THSD4: variants seen among roughly 807,000 people sequenced by gnomAD.
The protein encoded by THSD4 is thrombospondin type-1 domain-containing protein 4.
THSD4 carries 69 observed loss-of-function variants against 119.0 expected under a neutral mutation model. The ratio of observed to expected loss-of-function variants is 0.58; its 90% CI spans 0.48 to 0.71. The LOEUF (loss-of-function observed/expected upper bound fraction) is 0.71, where lower values mean the gene tolerates loss of function less well. Among genes scored for constraint, THSD4 ranks in the 30% least tolerant of loss-of-function variants. THSD4 has a pLI of 0.00. For missense variants in THSD4, 1,393 were observed against 1,391.1 expected (o/e 1.00, Z -0.02); for synonymous variants, 524 against 540.4 (o/e 0.97, Z 0.42).
At chr15:71,523,403 T>C (rs900783700) in intron 7 of THSD4, among the ~76,000 whole-genome samples, 43 of 152,344 alleles carry the variant, frequency 2.8e-4, no homozygotes, top group Admixed American at 2.5e-3. Context: ...TAAGGACACA[T>C]GCCATTGGAT....
intron 8 of THSD4, among the ~76,000 whole-genome samples, chr15:71,668,352 A>G (rs564427159): frequency 1.7e-4 from 26 of 152,316 alleles, no homozygotes; most frequent in African/African-American, 5.8e-4. Context: ...GATGTTCACT[A>G]GCAGAGCAGA....
chr15:71,336,362 A>G (rs2045489829), intron 6 of THSD4, among the ~76,000 whole-genome samples: 1 of 152,260 alleles, frequency 6.6e-6, no homozygotes, highest in Non-Finnish European at 1.5e-5. Flanking sequence ...ATTTAAACAG[A>G]AGAGATTCAA....
At chr15:71,645,006 A>G (rs2050939844) in intron 7 of THSD4, among the ~76,000 whole-genome samples, 2 of 152,174 alleles carry the variant, frequency 1.3e-5, no homozygotes, top group African/African-American at 4.8e-5. Flanking sequence ...CCTTCAGCTT[A>G]AAGGTAATAG....
chr15:71,374,997 C>T (rs780673034), intron 6 of THSD4, among the ~76,000 whole-genome samples: 2 of 152,182 alleles, frequency 1.3e-5, no homozygotes, highest in Admixed American at 6.5e-5. Context: ...CTCACAGCCA[C>T]AGAAATCCCC....
At chr15:71,428,068 C>T (rs1172435141) in intron 7 of THSD4, among the ~76,000 whole-genome samples, 3 of 152,110 alleles carry the variant, frequency 2.0e-5, no homozygotes, top group Non-Finnish European at 4.4e-5. Context: ...ACACTTGTAA[C>T]TGAGAAATGA....
At chr15:71,711,574 ATCTAGTCATGAC>A (rs889609006) in intron 8 of THSD4, among the ~76,000 whole-genome samples, 1 of 152,184 alleles carries the variant, frequency 6.6e-6, no homozygotes, top group Non-Finnish European at 1.5e-5. Context: ...ATAGAGCGAA[ATCTAGTCATGAC>A]TCGTTGTAAA....
At chr15:71,312,033 C>T (rs1000055336) in intron 6 of THSD4, among the ~76,000 whole-genome samples, 7 of 152,202 alleles carry the variant, frequency 4.6e-5, no homozygotes, top group South Asian at 2.1e-4. Context: ...GCAGACCCTC[C>T]GTGGCCTTCC....
At chr15:71,376,736 A>G (rs1381116009) in intron 6 of THSD4, among the ~76,000 whole-genome samples, 3 of 152,208 alleles carry the variant, frequency 2.0e-5, no homozygotes, top group Admixed American at 2.0e-4. Flanking sequence ...AAGCAAAGGC[A>G]TGAGGTCAGA....
chr15:71,378,247 A>C (rs16955513), intron 6 of THSD4, among the ~76,000 whole-genome samples: 7,582 of 152,274 alleles, frequency 0.05, 219 homozygotes, highest in African/African-American at 0.08. Flanking sequence ...TCAATACATC[A>C]TACAGTTTTC....
intron 7 of THSD4, among the ~76,000 whole-genome samples, chr15:71,504,107 C>T (rs1447549983): frequency 6.6e-6 from 1 of 152,168 alleles, no homozygotes; most frequent in Non-Finnish European, 1.5e-5. Flanking sequence ...AACAGCACAG[C>T]AAATCATACT....
rs761116811 is a variant in THSD4 at position 71,728,647 on chromosome 15, C to T, written c.1456C>T (p.Arg486Cys). ...EGGGTMFTYK[R>C]PNEISSTAGE... Reference sequence around the variant, plus strand: ...CGGAGGGACCATGTTCACCTACAAGCGTCCAAATGAGATTTCGAGCACTGC... The same window carrying T: ...CGGAGGGACCATGTTCACCTACAAGTGTCCAAATGAGATTTCGAGCACTGC... Residue 486 changes from arginine (R) to cysteine (C), a missense_variant, in exon 9 of 18, where the codon CGT becomes TGT. Coordinates refer to ENST00000261862, the MANE Select transcript of THSD4 (RefSeq NM_024817.3). The T allele has an allele frequency of 1.2e-6, 2 of 1,614,192 alleles. No homozygotes were observed. The highest frequency in any genetic ancestry group is 1.1e-5 in the South Asian group (1 of 91,080).
At chr15:71,533,917 G>A (rs4777405) in intron 7 of THSD4, among the ~76,000 whole-genome samples, 35,379 of 152,028 alleles carry the variant, frequency 0.23, 4,220 homozygotes, top group Admixed American at 0.29. Context: ...ATCATTAGGG[G>A]TTATTGGAAA....
chr15:71,738,835 G>A (rs1227101423), intron 11 of THSD4, among the ~76,000 whole-genome samples: 1 of 151,994 alleles, frequency 6.6e-6, no homozygotes, highest in Admixed American at 6.6e-5. Context: ...CCAATACTGC[G>A]TGGCCCAAGA....
At chr15:71,368,101 C>G (rs961264086) in intron 6 of THSD4, among the ~76,000 whole-genome samples, 1 of 152,170 alleles carries the variant, frequency 6.6e-6, no homozygotes, top group Non-Finnish European at 1.5e-5. Flanking sequence ...AGTGTCTGTT[C>G]ATATCCTTCG....
intron 8 of THSD4, among the ~76,000 whole-genome samples, chr15:71,670,639 C>G (rs1338268796): frequency 2.0e-5 from 3 of 151,732 alleles, no homozygotes; most frequent in African/African-American, 7.3e-5. Flanking sequence ...TAATGCTATC[C>G]CTCCCCCATC....
chr15:71,432,524 CTTTT>C (rs59086141), intron 7 of THSD4, among the ~76,000 whole-genome samples: 3 of 129,970 alleles, frequency 2.3e-5, no homozygotes, highest in Non-Finnish European at 5.1e-5. Context: ...TCCCTCCCTT[CTTTT>C]TTTTTTTTTT....
intron 8 of THSD4, among the ~76,000 whole-genome samples, chr15:71,704,333 T>G (rs2052353416): frequency 6.6e-6 from 1 of 152,206 alleles, no homozygotes. Context: ...AATTCCCACA[T>G]GTCGTGGGAG....
chr15:71,563,962 T>G lies in THSD4; in HGVS notation c.1153-96568T>G, dbSNP rs79845990. On this transcript the variant is annotated intron_variant, in intron 7 of 17. Transcript: ENST00000261862. ...GGGTGGGCTTTTCCATCAGTTGTCTTGGTTGATGTGCCAGTCAGCCAATTC... is the reference window on the plus strand; with the variant it reads ...GGGTGGGCTTTTCCATCAGTTGTCTGGGTTGATGTGCCAGTCAGCCAATTC... Among the ~76,000 whole-genome samples, 4 of 152,332 alleles carry G rather than the reference T, an allele frequency of 2.6e-5. No homozygotes were observed. The East Asian group carries it at 5.8e-4, about 22-fold the overall frequency.
Position 71,418,822 on chromosome 15 carries a change from CT to C in THSD4, c.1152+7004del, listed in dbSNP as rs1438863408. ...GGTCCCAATCTTCTTTAGTGGGAGA[CT>C]TTTTATTACTGTTTCTATCTCATTA... On this transcript the variant is annotated intron_variant, in intron 7 of 17. Transcript: ENST00000261862. Among the ~76,000 whole-genome samples the C allele has an allele frequency of 5.5e-5, 6 of 108,616 alleles. 3 individuals carry two copies. The East Asian group carries it at 1.8e-3, about 33-fold the overall frequency. The allele number at this position is 108,616 out of a possible 152,430, so 71.3% of individuals were successfully genotyped here. A position where few individuals can be genotyped will look rare whatever the true frequency, so the allele number is the denominator to read the frequency against.
Sources: gnomAD v4.1 joint callset for allele counts (sites outside exome capture counted in the v4.1 genomes callset) on GRCh38, gnomAD v4.1.1 for gene constraint, MANE v1.5 for transcripts, NCBI Gene and HGNC (gene_info 2026-07-23, HGNC 2026-07-21) for gene names.